NVL: variants seen among roughly 807,000 people sequenced by gnomAD.
NVL encodes nuclear valosin-containing protein-like.
In NVL, 84 loss-of-function variants were observed where a neutral mutation model predicts 110.2. That is an observed-to-expected ratio of 0.76 (90% confidence interval 0.64 to 0.91). The LOEUF is 0.91. Among genes scored for constraint, NVL ranks in the 40% least tolerant of loss-of-function variants. NVL has a pLI of 0.00. For synonymous variants in NVL, 354 were observed against 361.1 expected (o/e 0.98, Z 0.22); for missense variants, 882 against 1,035.9 (o/e 0.85, Z 2.04).
intron 2 of NVL, among the ~76,000 whole-genome samples, chr1:224,318,988 C>CAAAA (rs35766183): frequency 2.1e-5 from 2 of 94,536 alleles, no homozygotes; most frequent in Non-Finnish European, 4.3e-5. Context: ...GACTCCGTCT[C>CAAAA]AAAAAAAAAA....
At chr1:224,240,746 T>G (rs562788815) in intron 19 of NVL, among the ~76,000 whole-genome samples, 49 of 151,698 alleles carry the variant, frequency 3.2e-4, no homozygotes, top group African/African-American at 1.2e-3. Context: ...AGAAATAATT[T>G]CAAGTACCCT....
At chr1:224,271,159 T>C (rs964632061) in intron 17 of NVL, among the ~76,000 whole-genome samples, 9 of 152,152 alleles carry the variant, frequency 5.9e-5, no homozygotes, top group African/African-American at 2.2e-4. Context: ...TTTTAAGTTA[T>C]TACGTACATG....
intron 18 of NVL, among the ~76,000 whole-genome samples, chr1:224,254,974 C>T (rs1430390303): frequency 8.2e-5 from 12 of 147,022 alleles, no homozygotes; most frequent in Admixed American, 6.8e-4. Context: ...CAGGTTCAAG[C>T]GATTCTCCTG....
intron 8 of NVL, among the ~76,000 whole-genome samples, chr1:224,304,212 G>A (rs2102700972): frequency 6.6e-6 from 1 of 152,296 alleles, no homozygotes; most frequent in Admixed American, 6.5e-5. Flanking sequence ...AGATCACGAA[G>A]TCAGGAGATC....
At chr1:224,237,730 C>CCTTTTTTT (rs1660648717) in intron 19 of NVL, among the ~76,000 whole-genome samples, 3 of 130,100 alleles carry the variant, frequency 2.3e-5, no homozygotes, top group African/African-American at 8.6e-5. Context: ...TGCCTGGCTA[C>CCTTTTTTT]TTTTTTTTTT....
intron 15 of NVL, among the ~76,000 whole-genome samples, chr1:224,281,449 C>T (rs931009566): frequency 7.3e-5 from 11 of 151,582 alleles, no homozygotes; most frequent in African/African-American, 1.2e-4. Context: ...TACAGGCGCC[C>T]GCCACCACGC....
chr1:224,326,074 C>T (rs1250310096), intron 2 of NVL, among the ~76,000 whole-genome samples: 7 of 152,176 alleles, frequency 4.6e-5, no homozygotes, highest in African/African-American at 1.7e-4. Flanking sequence ...CAGGCATGAG[C>T]CATTATGACT....
intron 18 of NVL, among the ~76,000 whole-genome samples, chr1:224,259,849 G>A (rs1315743309): frequency 7.6e-6 from 1 of 132,222 alleles, no homozygotes; most frequent in African/African-American, 3.3e-5. Context: ...TGTATTTTTA[G>A]TAGAGACGAG....
At chr1:224,295,342 G>A (rs1053695292) in intron 11 of NVL, among the ~76,000 whole-genome samples, 7 of 151,968 alleles carry the variant, frequency 4.6e-5, no homozygotes, top group Admixed American at 1.3e-4. Flanking sequence ...ACAGGCGCCC[G>A]CCACCACGCC....
Position 224,286,034 on chromosome 1 carries a change from G to T in NVL, c.1891C>A (p.Leu631Met). 2.5e-6 allele frequency: 4 copies of T among 1,612,796 alleles called. No individual in the cohort carries two copies. The highest frequency in any genetic ancestry group is 3.4e-6 in the Non-Finnish European group (4 of 1,178,964). ...TTGAACTTATATGATACCTTCGCCA[G>T]CAGAGTCTTCCCACAGCCAGGAGGA... Reference protein sequence around the residue: ...AGPPGCGKTLLAKAVANESGL... With the variant: ...AGPPGCGKTLMAKAVANESGL... The change falls in exon 15 of 23, where the codon CTG (leucine) becomes ATG (methionine). Residue 631 changes from leucine (L) to methionine (M), a missense_variant. This residue lies in a region of NVL where 416 missense variants were observed against 499.3 expected (regional missense o/e 0.83). Transcript: ENST00000281701.
At position 224,303,793 on chromosome 1, in the gene NVL, G is replaced by C. The variant is rs776427245; in HGVS notation, c.890C>G (p.Pro297Arg). 9.3e-6 allele frequency: 15 copies of C among 1,613,410 alleles called. No homozygotes were observed. The highest frequency in any genetic ancestry group is 1.2e-5 in the Non-Finnish European group (14 of 1,179,764). Reference sequence around the variant, plus strand: ...TCCATGAAGGAGAACTCCACGAGGGGGCACGACGCCCAGGTGGTGGTACAC... The same window carrying C: ...TCCATGAAGGAGAACTCCACGAGGGCGCACGACGCCCAGGTGGTGGTACAC... ...PEVYHHLGVV[P>R]PRGVLLHGPP... The change falls in exon 9 of 23, where the codon CCC becomes CGC. Residue 297 changes from proline to arginine, a missense_variant. This residue lies in a region of NVL where 416 missense variants were observed against 499.3 expected (regional missense o/e 0.83). Transcript: ENST00000281701.
In NVL at chr1:224,294,341, G is replaced by A; in HGVS notation, c.1251C>T (p.Asp417=). The change falls in exon 12 of 23, where the codon GAC becomes GAT. Residue 417 remains aspartate, a synonymous_variant. Transcript: ENST00000281701. ...ACCTTCCCGCACGTCTCAAAGCAGG[G>A]TCTAACGAGTCTGGTCGATTAGTAG... ...IGATNRPDSL[D]PALRRAGRFD... The A allele has an allele frequency of 1.2e-6, 2 of 1,614,058 alleles. No individual in the cohort carries two copies. Among genetic ancestry groups the A allele is most frequent in the Non-Finnish European group, 1.7e-6 (2 of 1,180,018 alleles).
At chr1:224,238,943 C>T (rs1489250265) in intron 19 of NVL, among the ~76,000 whole-genome samples, 1 of 152,122 alleles carries the variant, frequency 6.6e-6, no homozygotes, top group Non-Finnish European at 1.5e-5. Context: ...TTTTATCTTC[C>T]CAAAGAAAAC....
intron 19 of NVL, among the ~76,000 whole-genome samples, chr1:224,245,510 A>G (rs762181172): frequency 2.0e-4 from 31 of 152,210 alleles, no homozygotes; most frequent in Non-Finnish European, 3.7e-4. Flanking sequence ...GCTCTGCCCA[A>G]TGAGGTTCCA....
intron 17 of NVL, among the ~76,000 whole-genome samples, chr1:224,268,749 C>T (rs1664749796): frequency 6.6e-6 from 1 of 152,150 alleles, no homozygotes; most frequent in Admixed American, 6.6e-5. Context: ...ACCTCCATCT[C>T]CCAGGTTCAA....
Position 224,308,267 on chromosome 1 carries a change from G to A in NVL, c.343-4C>T. On this transcript the variant is annotated splice_polypyrimidine_tract_variant and splice_region_variant and intron_variant, in intron 5 of 22. Transcript: ENST00000281701. Reference sequence around the variant, plus strand: ...AACTGTTCATGTGATTTGCTGACTGGCAGAAAGATAAAACAAAATTGTAGC... The same window carrying A: ...AACTGTTCATGTGATTTGCTGACTGACAGAAAGATAAAACAAAATTGTAGC... 1 of 1,588,392 alleles carries A rather than the reference G, an allele frequency of 6.3e-7. No individual in the cohort carries two copies. Among genetic ancestry groups the A allele is most frequent in the Non-Finnish European group, 8.6e-7 (1 of 1,169,392 alleles).
At chr1:224,322,971 G>A (rs573796165) in intron 2 of NVL, among the ~76,000 whole-genome samples, 10 of 151,996 alleles carry the variant, frequency 6.6e-5, no homozygotes, top group South Asian at 4.2e-4. Context: ...AAAAAGACAC[G>A]GAAGGCAATT....
intron 22 of NVL, among the ~76,000 whole-genome samples, chr1:224,228,418 C>T (rs899985308): frequency 2.6e-5 from 4 of 151,954 alleles, no homozygotes; most frequent in African/African-American, 9.7e-5. Context: ...GATTCCCCTG[C>T]CTCGGCCTCC....
chr1:224,274,052 A>ACACACACACACACC (rs1665483521), intron 17 of NVL, among the ~76,000 whole-genome samples: 1 of 151,132 alleles, frequency 6.6e-6, no homozygotes, highest in African/African-American at 2.4e-5. Flanking sequence ...ACACACACAC[A>ACACACACACACACC]CACACACCCA....
Sources: gnomAD v4.1 joint callset for allele counts (sites outside exome capture counted in the v4.1 genomes callset) on GRCh38, gnomAD v4.1.1 for gene constraint, gnomAD v4.1.1 regional missense constraint, MANE v1.5 for transcripts, NCBI Gene and HGNC (gene_info 2026-07-23, HGNC 2026-07-21) for gene names.